Variants in RBFOX1 observed in about 807,000 individuals in gnomAD.
RBFOX1 encodes the protein RNA binding protein fox-1 homolog 1.
RBFOX1 carries 8 observed loss-of-function variants against 57.7 expected under a neutral mutation model. The observed-to-expected ratio is 0.14, with a 90% CI of 0.08 to 0.25. The LOEUF is 0.25. Among genes scored for constraint, RBFOX1 ranks in the 10% least tolerant of loss-of-function variants. The pLI, the probability that RBFOX1 is intolerant of heterozygous loss-of-function variation, is 1.00. For synonymous variants in RBFOX1, 326 were observed against 222.4 expected (o/e 1.47, Z -4.15); for missense variants, 611 against 548.5 (o/e 1.11, Z -1.14).
intron 3 of RBFOX1, among the ~76,000 whole-genome samples, chr16:5,777,604 C>A (rs897317748): frequency 6.6e-6 from 1 of 152,192 alleles, no homozygotes. Context: ...GTCACTCAAC[C>A]TTCCTGAGTC....
intron 3 of RBFOX1, among the ~76,000 whole-genome samples, chr16:5,768,471 G>A (rs1161082593): frequency 6.6e-6 from 1 of 152,190 alleles, no homozygotes; most frequent in African/African-American, 2.4e-5. Context: ...GCCCTGTCAG[G>A]AAGGGGTACG....
rs138903428 is a variant in RBFOX1 at position 7,162,676 on chromosome 16, C to G, written c.27+110578C>G. ...CCTGGGAGACAGAGGTTGCAGTGAG[C>G]TGAGATTGCGCCACTGCACTCCACC... On this transcript the variant is annotated intron_variant, in intron 4 of 15. Coordinates refer to ENST00000550418, the MANE Select transcript of RBFOX1 (RefSeq NM_018723.4). Among the ~76,000 whole-genome samples the G allele has an allele frequency of 7.1e-3, 1,083 of 152,030 alleles. 17 individuals are homozygous for G. The highest frequency in any genetic ancestry group is 0.025 in the African/African-American group (1,037 of 41,468).
At chr16:5,267,979 T>A (rs1473330093) in intron 1 of RBFOX1, among the ~76,000 whole-genome samples, 1 of 151,962 alleles carries the variant, frequency 6.6e-6, no homozygotes, top group African/African-American at 2.4e-5. Flanking sequence ...CTTGGGAAGC[T>A]GAGGCAGGAG....
At chr16:5,580,244 G>A (rs945103708) in intron 2 of RBFOX1, among the ~76,000 whole-genome samples, 11 of 152,222 alleles carry the variant, frequency 7.2e-5, no homozygotes, top group African/African-American at 1.9e-4. Flanking sequence ...AAGAGCCAGT[G>A]AGGGCAGCCT....
chr16:5,934,826 A>G (rs972041673), intron 4 of RBFOX1, among the ~76,000 whole-genome samples: 1 of 152,238 alleles, frequency 6.6e-6, no homozygotes, highest in East Asian at 1.9e-4. Context: ...ATTCAGTGAA[A>G]GAGCAGGGCA....
chr16:5,413,071 G>C (rs1372099242), intron 1 of RBFOX1, among the ~76,000 whole-genome samples: 1 of 152,196 alleles, frequency 6.6e-6, no homozygotes, highest in African/African-American at 2.4e-5. Context: ...GTGTGCAGAA[G>C]AAAGGCTGCT....
chr16:5,987,915 A>T (rs964834036), intron 4 of RBFOX1, among the ~76,000 whole-genome samples: 1 of 152,190 alleles, frequency 6.6e-6, no homozygotes, highest in Non-Finnish European at 1.5e-5. Context: ...TGGGAACTGT[A>T]TTCCAAGATT....
chr16:6,510,253 T>C (rs536459757), intron 2 of RBFOX1, among the ~76,000 whole-genome samples: 2 of 152,168 alleles, frequency 1.3e-5, no homozygotes, highest in Non-Finnish European at 2.9e-5. Flanking sequence ...ACCGGAACCA[T>C]TATTGGATTC....
At chr16:7,251,909 A>G (rs1421552993) in intron 4 of RBFOX1, among the ~76,000 whole-genome samples, 1 of 152,200 alleles carries the variant, frequency 6.6e-6, no homozygotes. Flanking sequence ...AGGAACCTCC[A>G]TACCATTTTT....
rs186030780 is a variant in RBFOX1, at chr16:6,764,918, C to G, written c.-16+110268C>G. ...TGCCACTGCACTCCAACCTGGATGA[C>G]AGAGCAAGACTGTTTCAGAAAAAGA... On this transcript the variant is annotated intron_variant, in intron 3 of 15. Coordinates refer to ENST00000550418, the MANE Select transcript of RBFOX1 (RefSeq NM_018723.4). Among the ~76,000 whole-genome samples the G allele has an allele frequency of 4.0e-5, 6 of 151,594 alleles. No individual in the cohort carries two copies. The East Asian group carries it at 9.7e-4, about 25-fold the overall frequency.
At chr16:7,189,999 C>A (rs2084975162) in intron 4 of RBFOX1, among the ~76,000 whole-genome samples, 1 of 152,202 alleles carries the variant, frequency 6.6e-6, no homozygotes, top group Non-Finnish European at 1.5e-5. Flanking sequence ...AATCCCAAGA[C>A]TTATTAGAAG....
intron 3 of RBFOX1, among the ~76,000 whole-genome samples, chr16:5,717,893 A>C (rs9929714): frequency 0.015 from 2,359 of 152,336 alleles, 70 homozygotes; most frequent in African/African-American, 0.054. Flanking sequence ...GGTCGAAGGT[A>C]CTGAGCATCT....
At chr16:6,716,823 C>G (rs17141069) in intron 3 of RBFOX1, among the ~76,000 whole-genome samples, 4,444 of 152,094 alleles carry the variant, frequency 0.029, 205 homozygotes, top group African/African-American at 0.1. Context: ...CAGCTGATGG[C>G]CGTGTTGACA....
At chr16:7,435,530 G>C (rs1166803857) in intron 4 of RBFOX1, among the ~76,000 whole-genome samples, 2 of 152,162 alleles carry the variant, frequency 1.3e-5, no homozygotes, top group Non-Finnish European at 2.9e-5. Flanking sequence ...TGAGGTGTTT[G>C]TTAGGCTTCA....
At chr16:7,143,264 A>G (rs566315004) in intron 4 of RBFOX1, among the ~76,000 whole-genome samples, 4 of 152,144 alleles carry the variant, frequency 2.6e-5, no homozygotes, top group African/African-American at 9.6e-5. Context: ...AGAGGAAGAG[A>G]GAGGAGAAAT....
At chr16:7,206,595 C>G (rs367917491) in intron 4 of RBFOX1, among the ~76,000 whole-genome samples, 1 of 151,950 alleles carries the variant, frequency 6.6e-6, no homozygotes, top group African/African-American at 2.4e-5. Flanking sequence ...GATTTTATTG[C>G]CAGTCATATC....
intron 2 of RBFOX1, among the ~76,000 whole-genome samples, chr16:6,570,382 G>A (rs1056800918): frequency 6.6e-6 from 1 of 152,044 alleles, no homozygotes; most frequent in Non-Finnish European, 1.5e-5. Context: ...AAGTAAAATC[G>A]AGAATTTTTT....
At chr16:5,992,478 C>A (rs1460679561) in intron 4 of RBFOX1, among the ~76,000 whole-genome samples, 3 of 152,204 alleles carry the variant, frequency 2.0e-5, no homozygotes, top group Admixed American at 2.0e-4. Context: ...GATCCCCCAA[C>A]TTAGATCTTG....
intron 3 of RBFOX1, among the ~76,000 whole-genome samples, chr16:7,047,906 C>G (rs1046344810): frequency 1.3e-5 from 2 of 151,398 alleles, no homozygotes; most frequent in African/African-American, 2.4e-5. Context: ...TTTGAGACGT[C>G]TCACTCTTGT....
Sources: gnomAD v4.1 joint callset for allele counts (sites outside exome capture counted in the v4.1 genomes callset) on GRCh38, gnomAD v4.1.1 for gene constraint, MANE v1.5 for transcripts, NCBI Gene and HGNC (gene_info 2026-07-23, HGNC 2026-07-21) for gene names.